The following RAPGEF4 variants were observed in gnomAD, a reference collection of about 807,000 sequenced individuals.
The protein encoded by RAPGEF4 is Rap guanine nucleotide exchange factor 4.
A neutral mutation model predicts 147.9 loss-of-function variants in RAPGEF4; 66 were observed. The observed-to-expected ratio is 0.45, with a 90% CI of 0.37 to 0.55. RAPGEF4 has a LOEUF of 0.55. Among genes scored for constraint, RAPGEF4 ranks in the 20% least tolerant of loss-of-function variants. RAPGEF4 has a pLI of 0.00. For missense variants in RAPGEF4, 1,071 were observed against 1,257.3 expected, an observed-to-expected ratio of 0.85 and a Z score of 2.24; for synonymous variants, 419 against 442.7, an observed-to-expected ratio of 0.95 and a Z score of 0.67.
intron 8 of RAPGEF4, among the ~76,000 whole-genome samples, chr2:172,961,499 G>A (rs986942146): frequency 6.6e-6 from 1 of 152,106 alleles, no homozygotes; most frequent in Non-Finnish European, 1.5e-5. Flanking sequence ...CTTTTTGCTA[G>A]TGACTTTTAG....
chr2:172,821,447 C>T (rs1052383838), intron 4 of RAPGEF4: 1 of 479,080 alleles, frequency 2.1e-6, no homozygotes, highest in Non-Finnish European at 2.7e-6. Flanking sequence ...AGGGTTACTT[C>T]TCAGGCCAGA....
At chr2:172,899,331 A>T (rs1289858281) in intron 4 of RAPGEF4, among the ~76,000 whole-genome samples, 1 of 152,228 alleles carries the variant, frequency 6.6e-6, no homozygotes, top group African/African-American at 2.4e-5. Flanking sequence ...TTGCAGCAGA[A>T]ATCTGTTTTA....
At chr2:173,003,952 G>C (rs1388407176) in intron 17 of RAPGEF4, among the ~76,000 whole-genome samples, 2 of 152,190 alleles carry the variant, frequency 1.3e-5, no homozygotes, top group African/African-American at 4.8e-5. Flanking sequence ...AGTTGCTTTA[G>C]TGGAGTATTT....
intron 1 of RAPGEF4, among the ~76,000 whole-genome samples, chr2:172,783,399 A>G (rs552338325): frequency 1.3e-5 from 2 of 152,270 alleles, no homozygotes; most frequent in African/African-American, 4.8e-5. Flanking sequence ...GCAAGCGGGT[A>G]TGACTGCTAA....
At chr2:172,755,902 G>A (rs1284862695) in intron 1 of RAPGEF4, among the ~76,000 whole-genome samples, 1 of 152,152 alleles carries the variant, frequency 6.6e-6, no homozygotes, top group African/African-American at 2.4e-5. Context: ...GTGCACATGT[G>A]TGTGTGTAGT....
intron 5 of RAPGEF4, 120 bp downstream of exon 5, chr2:172,917,994 A>G (rs1247626599): frequency 8.1e-6 from 7 of 864,310 alleles, no homozygotes; most frequent in African/African-American, 1.6e-5. Flanking sequence ...TCTTTTGTGG[A>G]TAAACAAACC....
intron 3 of RAPGEF4, among the ~76,000 whole-genome samples, chr2:172,807,761 A>T (rs1453788314): frequency 6.6e-6 from 1 of 152,210 alleles, no homozygotes; most frequent in Non-Finnish European, 1.5e-5. Flanking sequence ...GCAAGACCTC[A>T]TCTCTAAGAA....
chr2:172,837,078 C>T (rs1275910955), intron 4 of RAPGEF4, among the ~76,000 whole-genome samples: 1 of 152,120 alleles, frequency 6.6e-6, no homozygotes, highest in East Asian at 1.9e-4. Flanking sequence ...TGTGTTCTTA[C>T]AGAACATGAG....
intron 1 of RAPGEF4, among the ~76,000 whole-genome samples, chr2:172,738,672 A>G (rs1694028452): frequency 6.6e-6 from 1 of 152,176 alleles, no homozygotes; most frequent in African/African-American, 2.4e-5. Flanking sequence ...GACATTTTCA[A>G]CCCTGCACAA....
chr2:172,865,963 C>T (rs943981716), intron 4 of RAPGEF4, among the ~76,000 whole-genome samples: 4 of 151,964 alleles, frequency 2.6e-5, no homozygotes, highest in African/African-American at 9.7e-5. Context: ...CTCCCGTGAC[C>T]CCTTCATCTG....
intron 1 of RAPGEF4, among the ~76,000 whole-genome samples, chr2:172,779,493 C>T (rs139057799): frequency 4.6e-5 from 7 of 152,124 alleles, no homozygotes; most frequent in Admixed American, 3.9e-4. Context: ...AGCCAAGACA[C>T]GAGTGTGTTT....
rs535816464 is a variant in RAPGEF4, at chr2:172,954,131, C to T, written c.538-6629C>T. Reference sequence around the variant, plus strand: ...ACTGGTGGGGTTGAAGTAGGTAAAACTCACATAGTGTGGGTGCCCAGCTGA... The same window carrying T: ...ACTGGTGGGGTTGAAGTAGGTAAAATTCACATAGTGTGGGTGCCCAGCTGA... On this transcript the variant is annotated intron_variant, in intron 6 of 30. Transcript: ENST00000397081. Among the ~76,000 whole-genome samples the T allele has an allele frequency of 5.3e-5, 8 of 152,284 alleles. 1 individual carries two copies. The South Asian group carries it at 1.7e-3, about 32-fold the overall frequency.
intron 4 of RAPGEF4, among the ~76,000 whole-genome samples, chr2:172,889,160 C>G (rs1697591065): frequency 6.6e-6 from 1 of 152,104 alleles, no homozygotes; most frequent in Admixed American, 6.6e-5. Context: ...ACTAGAACCT[C>G]CCTTTTAATA....
chr2:172,967,638 A>G (rs114680078), intron 10 of RAPGEF4, among the ~76,000 whole-genome samples, 194 bp downstream of exon 10: 3,057 of 152,252 alleles, frequency 0.02, 49 homozygotes, highest in Non-Finnish European at 0.033. Flanking sequence ...AGATGGCTCC[A>G]TTTTCCATTT....
Position 172,797,460 on chromosome 2 carries a change from T to A in RAPGEF4, c.209-65T>A, listed in dbSNP as rs560473165. 69 of 1,310,636 alleles carry A rather than the reference T, an allele frequency of 5.3e-5. No individual in the cohort carries two copies. In the African/African-American group the frequency reaches 8.3e-4, roughly 16 times the overall value. The allele number at this position is 1,310,636 out of a possible 1,614,324, so 81.2% of individuals were successfully genotyped here. ...AGACATGCTTGGACCAGTGAAAAAC[T>A]GGCAGATCATATAGTAAAACCAAGT... On this transcript the variant is annotated intron_variant, in intron 2 of 30. Transcript: ENST00000397081.
chr2:172,770,591 G>C (rs566019728), intron 1 of RAPGEF4, among the ~76,000 whole-genome samples: 1 of 152,136 alleles, frequency 6.6e-6, no homozygotes, highest in South Asian at 2.1e-4. Flanking sequence ...TTTCTTATTC[G>C]AATGTACATA....
intron 17 of RAPGEF4, among the ~76,000 whole-genome samples, chr2:173,012,180 C>G (rs1695092381): frequency 6.6e-6 from 1 of 152,188 alleles, no homozygotes; most frequent in Admixed American, 6.5e-5. Context: ...ATCACTTAGA[C>G]TTAGAAGAGG....
chr2:172,744,521 CCA>C (rs1211216004), intron 1 of RAPGEF4: 2 of 381,394 alleles, frequency 5.2e-6, no homozygotes, highest in African/African-American at 4.2e-5. Context: ...GGCTCAAACC[CCA>C]GTTTTAATTT....
chr2:172,758,387 G>T (rs544604009), intron 1 of RAPGEF4, among the ~76,000 whole-genome samples: 12 of 152,306 alleles, frequency 7.9e-5, no homozygotes, highest in African/African-American at 2.9e-4. Flanking sequence ...TAGGAGCCAT[G>T]AAAGTTTTTG....
Sources: gnomAD v4.1 joint callset for allele counts (sites outside exome capture counted in the v4.1 genomes callset) on GRCh38, gnomAD v4.1.1 for gene constraint, MANE v1.5 for transcripts, NCBI Gene and HGNC (gene_info 2026-07-23, HGNC 2026-07-21) for gene names.